The following CC2D1A variants were observed in gnomAD, a reference collection of about 807,000 sequenced individuals.
CC2D1A encodes coiled-coil and C2 domain-containing protein 1A.
A neutral mutation model predicts 123.8 loss-of-function variants in CC2D1A; 68 were observed. The observed-to-expected ratio is 0.55, with a 90% CI of 0.45 to 0.67. CC2D1A has a LOEUF of 0.67. Ranked by LOEUF, CC2D1A falls within the 30% of genes least tolerant of loss-of-function variation. The pLI is 0.00. For missense variants in CC2D1A, 1,185 were observed against 1,290.3 expected (o/e 0.92, Z 1.25); for synonymous variants, 477 against 528.0 (o/e 0.90, Z 1.32).
At chr19:13,912,203 T>A (rs1971022547) in intron 2 of CC2D1A, 120 bp from the exon 3 acceptor site, 2 of 1,159,802 alleles carry the variant, frequency 1.7e-6, no homozygotes, top group Non-Finnish European at 2.4e-6. Context: ...TGAGGCTGAA[T>A]AAGGAAGAGA....
In CC2D1A at chr19:13,923,639, C is replaced by A; in HGVS notation, c.1823+33C>A. 4 of 1,613,316 alleles carry A rather than the reference C, an allele frequency of 2.5e-6. No homozygotes were observed. Among genetic ancestry groups the A allele is most frequent in the Non-Finnish European group, 3.4e-6 (4 of 1,179,204 alleles). ...CCCTGACCTGTGCCAGACACTTGCA[C>A]CCCCAGCCACCCATCCCCAGGGCCA... On this transcript the variant is annotated intron_variant, in intron 16 of 28. Transcript: ENST00000318003. The surrounding 1 kb of genome is among the most constrained non-coding windows in gnomAD (Gnocchi z 5.3).
At chr19:13,924,337 A>AT (rs1178305870) in intron 17 of CC2D1A, among the ~76,000 whole-genome samples, 1 of 149,590 alleles carries the variant, frequency 6.7e-6, no homozygotes, top group Admixed American at 6.7e-5. Flanking sequence ...CGCCTGGCTA[A>AT]TTTTTTGTAT....
chr19:13,915,978 G>A (rs1971191306), intron 6 of CC2D1A, among the ~76,000 whole-genome samples: 2 of 151,974 alleles, frequency 1.3e-5, no homozygotes, highest in South Asian at 4.1e-4. Flanking sequence ...AGCAGGGGCT[G>A]GGCGTGGTGG....
chr19:13,920,195 G>A (rs1433987249), intron 12 of CC2D1A: 3 of 514,464 alleles, frequency 5.8e-6, no homozygotes, highest in Middle Eastern at 5.1e-4. Context: ...AGGCTGCAGT[G>A]AGCCATGGTC....
chr19:13,929,706 T>A (rs1382893679), intron 26 of CC2D1A, 46 bp downstream of exon 26: 4 of 580,054 alleles, frequency 6.9e-6, no homozygotes, highest in Non-Finnish European at 1.1e-5. Context: ...AGCTCCAGGA[T>A]AGGCATGGGG....
At chr19:13,920,981 T>G in intron 14 of CC2D1A, 59 bp downstream of exon 14, 1 of 1,496,590 alleles carries the variant, frequency 6.7e-7, no homozygotes, top group South Asian at 1.3e-5. Flanking sequence ...CTCCTGCCCC[T>G]TAGCAGCCAC....
chr19:13,921,046 C>A (rs941069574), intron 14 of CC2D1A, 124 bp downstream of exon 14: 3 of 893,318 alleles, frequency 3.4e-6, no homozygotes, highest in Non-Finnish European at 4.9e-6. Flanking sequence ...TAGGTCCTCC[C>A]AAGACAATGG....
rs369429952 is a variant in CC2D1A at position 13,919,016 on chromosome 19, G to T, written c.1123G>T (p.Ala375Ser). The T allele has an allele frequency of 2.2e-5, 36 of 1,608,210 alleles. No individual in the cohort carries two copies. The highest frequency in any genetic ancestry group is 3.4e-5 in the Admixed American group (2 of 59,256). Residue 375 changes from alanine to serine, a missense_variant, in exon 10 of 29, where the codon GCT becomes TCT. Coordinates refer to ENST00000318003, the MANE Select transcript of CC2D1A (RefSeq NM_017721.5). ...CAAGAGCAAGGGGGACCAGCGGAAA[G>T]CTCGAATGCACGAGCGCATCGTCAA... ...QAKSKGDQRKARMHERIVKQY... is the reference protein window; with the variant it reads ...QAKSKGDQRKSRMHERIVKQY...
rs776148478 is a variant in CC2D1A at position 13,923,562 on chromosome 19, C to T, written c.1779C>T (p.His593=). 1.2e-6 allele frequency: 2 copies of T among 1,614,166 alleles called. No homozygotes were observed. Among genetic ancestry groups the T allele is most frequent in the East Asian group, 4.5e-5 (2 of 44,882 alleles). Residue 593 remains histidine (H), a synonymous_variant, in exon 16 of 29, where the codon CAC becomes CAT. Coordinates refer to ENST00000318003, the MANE Select transcript of CC2D1A (RefSeq NM_017721.5). The surrounding 1 kb of genome is among the most constrained non-coding windows in gnomAD (Gnocchi z 5.3). ...TGTTTCCCCAGATGTGCCTGAACCA[C>T]TCAAACCAATTCACCCAGCTGGGCA... is the stretch of plus-strand genomic sequence containing the variant. ...IRQQHEMCLN[H]SNQFTQLGNI...
chr19:13,911,816 C>T (rs776027260), intron 2 of CC2D1A, among the ~76,000 whole-genome samples: 1 of 150,886 alleles, frequency 6.6e-6, no homozygotes, highest in African/African-American at 2.4e-5. Flanking sequence ...CCTAGGTTCA[C>T]GCCATTCCCC....
rs1044099224 is a variant in CC2D1A at position 13,930,737 on chromosome 19, C to A, written c.*342C>A. On this transcript the variant is annotated 3_prime_UTR_variant, in exon 29 of 29. Transcript: ENST00000318003. The surrounding 1 kb of genome is among the most constrained non-coding windows in gnomAD (Gnocchi z 6.8). ...CAAGCACTTTACTTCCTGTTCCTCC[C>A]CAGCCTTAACCCCAAAGCCCTCCTG... The A allele has an allele frequency of 2.5e-6, 1 of 405,502 alleles. No homozygotes were observed. The highest frequency in any genetic ancestry group is 2.0e-5 in the African/African-American group (1 of 48,974). The allele number at this position is 405,502 out of a possible 1,614,324, so 25.1% of individuals were successfully genotyped here.
At chr19:13,924,400 G>C (rs540638722) in intron 17 of CC2D1A, among the ~76,000 whole-genome samples, 1 of 151,948 alleles carries the variant, frequency 6.6e-6, no homozygotes, top group South Asian at 2.1e-4. Flanking sequence ...TCGATCTCTT[G>C]ACCTCGTGAT....
chr19:13,917,933 T>A, intron 6 of CC2D1A, 137 bp from the exon 7 acceptor site: 1 of 892,482 alleles, frequency 1.1e-6, no homozygotes, highest in Non-Finnish European at 1.6e-6. Flanking sequence ...ATTGCGCCAC[T>A]GTACCCCAGC....
At position 13,909,613 on chromosome 19, in the gene CC2D1A, C is replaced by T. The variant is rs116472476; in HGVS notation, c.61-210C>T. ...CAGATCAGAGAGCTGGGTCTCTTGCCCTTTGCCCCAGGTTGAACTGTGCCA... is the reference window on the plus strand; with the variant it reads ...CAGATCAGAGAGCTGGGTCTCTTGCTCTTTGCCCCAGGTTGAACTGTGCCA... On this transcript the variant is annotated intron_variant, in intron 1 of 28. Coordinates refer to ENST00000318003, the MANE Select transcript of CC2D1A (RefSeq NM_017721.5). 1.9e-3 allele frequency: 1,256 copies of T among 670,898 alleles called. 17 individuals are homozygous for T. The African/African-American group carries it at 0.02, about 11-fold the overall frequency. The allele number at this position is 670,898 out of a possible 1,614,324, so 41.6% of individuals were successfully genotyped here. A position where few individuals can be genotyped will look rare whatever the true frequency, so the allele number is the denominator to read the frequency against.
rs2145350944 is a variant in CC2D1A, at chr19:13,923,615, C to G, written c.1823+9C>G. 6.2e-7 allele frequency: 1 copy of G among 1,614,188 alleles called. No individual in the cohort carries two copies. Among genetic ancestry groups the G allele is most frequent in the East Asian group, 2.2e-5 (1 of 44,880 alleles). Reference sequence around the variant, plus strand: ...ATCACTGAAACCACCAAGTAAGTGCCCTGACCTGTGCCAGACACTTGCACC... The same window carrying G: ...ATCACTGAAACCACCAAGTAAGTGCGCTGACCTGTGCCAGACACTTGCACC... On this transcript the variant is annotated intron_variant, in intron 16 of 28. Coordinates refer to ENST00000318003, the MANE Select transcript of CC2D1A (RefSeq NM_017721.5). This position sits in a 1 kb window ranked among gnomAD's most constrained non-coding sequence, Gnocchi z 5.3.
rs868152661 is a variant in CC2D1A at position 13,925,959 on chromosome 19, T to C, written c.1941-558T>C. Among the ~76,000 whole-genome samples, 911 of 120,390 alleles carry C rather than the reference T, an allele frequency of 7.6e-3. 33 individuals carry two copies. The highest frequency in any genetic ancestry group is 0.023 in the African/African-American group (611 of 26,062). The allele number at this position is 120,390 out of a possible 152,430, so 79.0% of individuals were successfully genotyped here. A position where few individuals can be genotyped will look rare whatever the true frequency, so the allele number is the denominator to read the frequency against. On this transcript the variant is annotated intron_variant, in intron 17 of 28. Transcript: ENST00000318003. ...ATATATATATATATATATATATATATACACGTATATATATGTGTATATATA... is the reference window on the plus strand; with the variant it reads ...ATATATATATATATATATATATATACACACGTATATATATGTGTATATATA...
chr19:13,920,656 A>G lies in CC2D1A; in HGVS notation c.1456A>G (p.Thr486Ala). The G allele has an allele frequency of 1.2e-6, 2 of 1,609,794 alleles. No individual in the cohort carries two copies. Among genetic ancestry groups the G allele is most frequent in the Non-Finnish European group, 1.7e-6 (2 of 1,177,854 alleles). The change falls in exon 13 of 29, where the codon ACA (threonine) becomes GCA (alanine). Residue 486 changes from threonine (T) to alanine (A), a missense_variant. Physicochemically the swap from Thr to Ala is moderately conservative, Grantham distance 58 (BLOSUM62 0). Transcript: ENST00000318003. ...APTAKAPPKATSTRAQQQLAF... is the reference protein window; with the variant it reads ...APTAKAPPKAASTRAQQQLAF... ...AACAGCCAAAGCGCCCCCCAAAGCC[A>G]CATCCACCAGAGGTAAGTTCCCCCT...
intron 12 of CC2D1A, 133 bp downstream of exon 12, chr19:13,920,084 CA>C: frequency 3.1e-6 from 3 of 952,400 alleles, no homozygotes; most frequent in Non-Finnish European, 3.0e-6. Flanking sequence ...CCCGTCTCTA[CA>C]AAAAAATTTT....
At chr19:13,927,118 G>A in intron 21 of CC2D1A, 41 bp downstream of exon 21, 1 of 1,609,872 alleles carries the variant, frequency 6.2e-7, no homozygotes, top group South Asian at 1.1e-5. Context: ...GGGCTCCAGG[G>A]GAGGGGAGCT....
Sources: gnomAD v4.1 joint callset for allele counts (sites outside exome capture counted in the v4.1 genomes callset) on GRCh38, gnomAD v4.1.1 for gene constraint, Gnocchi (gnomAD v3.1) non-coding constraint, MANE v1.5 for transcripts, NCBI Gene and HGNC (gene_info 2026-07-23, HGNC 2026-07-21) for gene names.